The following BNC2 variants were observed in gnomAD, a reference collection of about 807,000 sequenced individuals.
The protein encoded by BNC2 is zinc finger protein basonuclin-2.
In BNC2, 20 loss-of-function variants were observed where a neutral mutation model predicts 76.3. The ratio of observed to expected loss-of-function variants is 0.26; its 90% CI spans 0.18 to 0.38. The LOEUF is 0.38. Among genes scored for constraint, BNC2 ranks in the 10% least tolerant of loss-of-function variants. BNC2 has a pLI of 1.00. For synonymous variants in BNC2, 582 were observed against 514.8 expected (o/e 1.13, Z -1.77); for missense variants, 1,382 against 1,399.8 (o/e 0.99, Z 0.20).
At chr9:16,659,927 T>G (rs1468983498) in intron 3 of BNC2, among the ~76,000 whole-genome samples, 1 of 152,242 alleles carries the variant, frequency 6.6e-6, no homozygotes, top group African/African-American at 2.4e-5. Context: ...GAAAGGACTT[T>G]GTTACACTGT....
rs373493671 is a variant in BNC2 at position 16,791,063 on chromosome 9, AT to A, written c.4-52579del. 4.6e-3 allele frequency among the ~76,000 whole-genome samples: 682 copies of A among 147,324 alleles called. 1 individual carries two copies. The highest frequency in any genetic ancestry group is 5.0e-3 in the African/African-American group (201 of 40,400). On this transcript the variant is annotated intron_variant, in intron 1 of 6. Coordinates refer to ENST00000380672, the MANE Select transcript of BNC2 (RefSeq NM_017637.6). Reference sequence around the variant, plus strand: ...TGTATGGGATTTTATACAATTATAGATTTTTTTTTTTCTTTTGAGATGGAGT... The same window carrying A: ...TGTATGGGATTTTATACAATTATAGATTTTTTTTTTCTTTTGAGATGGAGT...
intron 4 of BNC2, among the ~76,000 whole-genome samples, chr9:16,561,735 G>T (rs1819023007): frequency 6.6e-6 from 1 of 152,190 alleles, no homozygotes; most frequent in South Asian, 2.1e-4. Flanking sequence ...AGCTGTGGTG[G>T]CTCACACCTG....
chr9:16,710,168 C>G (rs147794893), intron 3 of BNC2, among the ~76,000 whole-genome samples: 1 of 152,288 alleles, frequency 6.6e-6, no homozygotes, highest in Non-Finnish European at 1.5e-5. Context: ...TGAATCTCTT[C>G]CCCTCCTACA....
intron 3 of BNC2, among the ~76,000 whole-genome samples, chr9:16,583,377 C>T (rs1036857049): frequency 1.3e-5 from 2 of 152,214 alleles, no homozygotes; most frequent in East Asian, 3.9e-4. Flanking sequence ...GGATTTACGA[C>T]ATCACAAATC....
chr9:16,839,623 T>C (rs1818781126), intron 1 of BNC2, among the ~76,000 whole-genome samples: 2 of 152,192 alleles, frequency 1.3e-5, no homozygotes, highest in African/African-American at 2.4e-5. Flanking sequence ...GACCAACGAT[T>C]TCATTCCTTC....
intron 1 of BNC2, among the ~76,000 whole-genome samples, chr9:16,763,400 T>C (rs987259089): frequency 1.4e-4 from 21 of 148,836 alleles, no homozygotes; most frequent in African/African-American, 5.4e-4. Flanking sequence ...CAAAACCCCA[T>C]CTCTACAAAA....
chr9:16,681,920 G>T (rs1387010444), intron 3 of BNC2, among the ~76,000 whole-genome samples: 3 of 152,036 alleles, frequency 2.0e-5, no homozygotes, highest in African/African-American at 7.2e-5. Flanking sequence ...CTGAAAGAGG[G>T]GGTTGGGGGA....
At chr9:16,813,851 CCAGT>C (rs1170505604) in intron 1 of BNC2, among the ~76,000 whole-genome samples, 10 of 152,010 alleles carry the variant, frequency 6.6e-5, no homozygotes, top group Admixed American at 2.0e-4. Context: ...TGTTCCCCAC[CCAGT>C]AAGTGTCCAG....
chr9:16,855,393 A>G (rs890152652), intron 1 of BNC2, among the ~76,000 whole-genome samples: 1 of 152,232 alleles, frequency 6.6e-6, no homozygotes, highest in Non-Finnish European at 1.5e-5. Flanking sequence ...TATCACATAC[A>G]TCATAGAAAT....
chr9:16,487,983 T>C (rs1822200701), intron 5 of BNC2, among the ~76,000 whole-genome samples: 1 of 152,202 alleles, frequency 6.6e-6, no homozygotes, highest in Non-Finnish European at 1.5e-5. Flanking sequence ...TATTCAGCCA[T>C]CAGTACAATT....
chr9:16,825,965 T>G (rs1369857108), intron 1 of BNC2, among the ~76,000 whole-genome samples: 1 of 152,114 alleles, frequency 6.6e-6, no homozygotes, highest in Admixed American at 6.6e-5. Flanking sequence ...TTCCAGGGTT[T>G]TTCAAAGTTC....
intron 3 of BNC2, among the ~76,000 whole-genome samples, chr9:16,696,741 G>A (rs1823350469): frequency 6.6e-6 from 1 of 152,164 alleles, no homozygotes; most frequent in Non-Finnish European, 1.5e-5. Context: ...TACAAATAGA[G>A]TGATTTTAAC....
At chr9:16,566,975 A>G (rs937945269) in intron 4 of BNC2, among the ~76,000 whole-genome samples, 1 of 152,260 alleles carries the variant, frequency 6.6e-6, no homozygotes, top group Non-Finnish European at 1.5e-5. Context: ...CAAGCTCCTT[A>G]AACTGTGAAT....
chr9:16,728,874 A>C (rs1824429100), intron 2 of BNC2, among the ~76,000 whole-genome samples: 1 of 152,182 alleles, frequency 6.6e-6, no homozygotes, highest in Admixed American at 6.5e-5. Flanking sequence ...GGAAAAAAGT[A>C]TACCTTTTCT....
chr9:16,781,442 A>C (rs942348364), intron 1 of BNC2, among the ~76,000 whole-genome samples: 1 of 152,186 alleles, frequency 6.6e-6, no homozygotes, highest in Non-Finnish European at 1.5e-5. Context: ...TACCAGGTTC[A>C]AGCAATTCTC....
rs367599803 is a variant in BNC2 at position 16,602,295 on chromosome 9, C to T, written c.331-19210G>A. 2.5e-3 allele frequency among the ~76,000 whole-genome samples: 386 copies of T among 152,208 alleles called. 2 individuals are homozygous for T. The highest frequency in any genetic ancestry group is 8.5e-3 in the African/African-American group (351 of 41,526). On this transcript the variant is annotated intron_variant, in intron 3 of 6. Coordinates refer to ENST00000380672, the MANE Select transcript of BNC2 (RefSeq NM_017637.6). ...TAAAAATGTGAGGTAAAAATGTGTA[C>T]TTATTTATTGTATTTACTACTAATC...
At chr9:16,736,435 CAG>C (rs1181306068) in intron 2 of BNC2, among the ~76,000 whole-genome samples, 3 of 27,000 alleles carry the variant, frequency 1.1e-4, no homozygotes, top group Admixed American at 3.5e-4. Flanking sequence ...TTTATAGAAA[CAG>C]AGACTATTTA....
At chr9:16,648,905 T>TCAAAC (rs1821714824) in intron 3 of BNC2, among the ~76,000 whole-genome samples, 1 of 152,186 alleles carries the variant, frequency 6.6e-6, no homozygotes, top group Non-Finnish European at 1.5e-5. Context: ...TATGAGGTAC[T>TCAAAC]CAAACTATGA....
At chr9:16,692,549 A>G in intron 3 of BNC2, among the ~76,000 whole-genome samples, 1 of 152,186 alleles carries the variant, frequency 6.6e-6, no homozygotes, top group East Asian at 1.9e-4. Context: ...ATATCTGTAA[A>G]TGGTACTCTG....
Sources: allele counts gnomAD v4.1 joint callset (sites outside exome capture counted in the v4.1 genomes callset), GRCh38; gene constraint gnomAD v4.1.1; transcripts MANE v1.5; gene names NCBI Gene and HGNC (gene_info 2026-07-23, HGNC 2026-07-21).